DGKD: variants seen among roughly 807,000 people sequenced by gnomAD.
DGKD encodes diacylglycerol kinase delta.
DGKD carries 68 observed loss-of-function variants against 154.4 expected under a neutral mutation model. The observed-to-expected ratio is 0.44, with a 90% confidence interval of 0.36 to 0.54. DGKD has a LOEUF of 0.54. Ranked by LOEUF, DGKD falls within the 20% of genes least tolerant of loss-of-function variation. DGKD has a pLI of 0.00. For synonymous variants in DGKD, 693 were observed against 638.0 expected, an observed-to-expected ratio of 1.09 and a Z score of -1.30; for missense variants, 1,343 against 1,593.6, an observed-to-expected ratio of 0.84 and a Z score of 2.68.
At chr2:233,430,981 C>G (rs1575105735) in intron 3 of DGKD, among the ~76,000 whole-genome samples, 1 of 152,024 alleles carries the variant, frequency 6.6e-6, no homozygotes, top group African/African-American at 2.4e-5. Context: ...CTAGAGCAAT[C>G]AAACAACAAC....
chr2:233,415,197 C>G (rs1051325305), intron 3 of DGKD, among the ~76,000 whole-genome samples: 1 of 152,218 alleles, frequency 6.6e-6, no homozygotes, highest in Non-Finnish European at 1.5e-5. Flanking sequence ...TTTTCCCAGA[C>G]AGCTGAGCTT....
At chr2:233,454,712 T>A in intron 18 of DGKD, 51 bp from the exon 19 acceptor site, 1 of 1,148,650 alleles carries the variant, frequency 8.7e-7, no homozygotes, top group East Asian at 2.4e-5. Flanking sequence ...GAGTCTGAAA[T>A]AAGACTGCTC....
At chr2:233,462,304 T>C in intron 24 of DGKD, 44 bp from the exon 25 acceptor site, 1 of 1,513,410 alleles carries the variant, frequency 6.6e-7, no homozygotes, top group Non-Finnish European at 9.1e-7. Flanking sequence ...AAGGCTGCCC[T>C]TCCATTTGGC....
In DGKD at chr2:233,459,742, A is replaced by C. The variant is rs368557765; in HGVS notation, c.2695-15A>C. The C allele has an allele frequency of 6.2e-7, 1 of 1,612,436 alleles. No individual in the cohort carries two copies. The highest frequency in any genetic ancestry group is 1.7e-5 in the Admixed American group (1 of 59,806). On this transcript the variant is annotated splice_polypyrimidine_tract_variant and intron_variant, in intron 22 of 29. Transcript: ENST00000264057. The surrounding 1 kb of genome is among the most constrained non-coding windows in gnomAD (Gnocchi z 5.7). ...TTTTGGCTCAGCATGAGTAATGGCT[A>C]TGATGTCTGCTCAGTGTCGCACGGT... is the stretch of plus-strand genomic sequence containing the variant.
At chr2:233,389,641 G>A (rs549311709) in intron 2 of DGKD, among the ~76,000 whole-genome samples, 2 of 151,804 alleles carry the variant, frequency 1.3e-5, no homozygotes, top group African/African-American at 2.4e-5. Context: ...GAGGGGAAAG[G>A]TTACTTAAAA....
chr2:233,408,876 G>A (rs1018515185), intron 3 of DGKD: 2 of 152,306 alleles, frequency 1.3e-5, no homozygotes, highest in African/African-American at 4.8e-5. Flanking sequence ...CAGGCATTGA[G>A]TCAAATTGGT....
At chr2:233,443,024 C>T (rs764093169) in intron 10 of DGKD, among the ~76,000 whole-genome samples, 1 of 152,246 alleles carries the variant, frequency 6.6e-6, no homozygotes, top group African/African-American at 2.4e-5. Context: ...GGCCAGCTCA[C>T]CTCCATGTGT....
At chr2:233,442,325 C>T (rs2062925475) in intron 10 of DGKD, 1 of 448,020 alleles carries the variant, frequency 2.2e-6, no homozygotes, top group Non-Finnish European at 4.2e-6. Flanking sequence ...CTTGAGGCCT[C>T]TTGCTTGTGA....
Position 233,445,265 on chromosome 2 carries a change from C to T in DGKD, c.1195-358C>T, listed in dbSNP as rs901341078. On this transcript the variant is annotated intron_variant, in intron 10 of 29. Transcript: ENST00000264057. The surrounding 1 kb of genome is among the most constrained non-coding windows in gnomAD (Gnocchi z 5.5). Reference sequence around the variant, plus strand: ...GAGGCATCAGAGTGATTCCTTGGGGCTGTGGTCACGGTGGTGAAAATGGGA... The same window carrying T: ...GAGGCATCAGAGTGATTCCTTGGGGTTGTGGTCACGGTGGTGAAAATGGGA... 6.6e-6 allele frequency among the ~76,000 whole-genome samples: 1 copy of T among 151,716 alleles called. No homozygotes were observed. Among genetic ancestry groups the T allele is most frequent in the African/African-American group, 2.4e-5 (1 of 41,274 alleles).
intron 26 of DGKD, among the ~76,000 whole-genome samples, chr2:233,463,623 A>G (rs950220522): frequency 5.3e-5 from 7 of 132,968 alleles, no homozygotes; most frequent in African/African-American, 2.3e-4. Context: ...GCATCTCCTC[A>G]CTCCACGCAT....
At chr2:233,357,542 T>C (rs1243112864) in intron 1 of DGKD, among the ~76,000 whole-genome samples, 6 of 149,412 alleles carry the variant, frequency 4.0e-5, no homozygotes, top group African/African-American at 1.5e-4. Flanking sequence ...TCTTTCTTTT[T>C]TTTTTTTTTT....
intron 19 of DGKD, 49 bp from the exon 20 acceptor site, chr2:233,456,850 T>G: frequency 7.0e-7 from 1 of 1,428,814 alleles, no homozygotes; most frequent in African/African-American, 1.4e-5. Context: ...TCTGGTTAAC[T>G]ATACGAAGAA....
intron 19 of DGKD, among the ~76,000 whole-genome samples, chr2:233,455,722 C>T (rs1452916924): frequency 6.6e-6 from 1 of 152,254 alleles, no homozygotes; most frequent in Admixed American, 6.5e-5. Context: ...CCCCTGTGGC[C>T]TCGCCCTCCT....
At position 233,445,765 on chromosome 2, in the gene DGKD, G is replaced by C. The variant is rs1302440739; in HGVS notation, c.1334+3G>C. 6.2e-7 allele frequency: 1 copy of C among 1,609,044 alleles called. No homozygotes were observed. Among genetic ancestry groups the C allele is most frequent in the Non-Finnish European group, 8.5e-7 (1 of 1,177,496 alleles). On this transcript the variant is annotated splice_donor_region_variant and intron_variant, in intron 11 of 29. Transcript: ENST00000264057. This position sits in a 1 kb window ranked among gnomAD's most constrained non-coding sequence, Gnocchi z 5.5. ...GCCAGCACCAAGATGCTGGACAGGT[G>C]AGTGGGGATGTGCTCCGGTGCCGTA...
At chr2:233,405,379 G>A (rs946839935) in intron 3 of DGKD, among the ~76,000 whole-genome samples, 6 of 152,194 alleles carry the variant, frequency 3.9e-5, no homozygotes, top group Non-Finnish European at 8.8e-5. Context: ...TTAGCTGGGT[G>A]TGTTGGCACA....
Position 233,448,390 on chromosome 2 carries a change from C to G in DGKD, c.1614+15C>G, listed in dbSNP as rs1328009140. On this transcript the variant is annotated intron_variant, in intron 14 of 29. Coordinates refer to ENST00000264057, the MANE Select transcript of DGKD (RefSeq NM_152879.3). ...TGGCCAAGAAGGTCTGTTCCCGTGC[C>G]CTGGGTGGGAGGGGCATTGAGGCAG... is the stretch of plus-strand genomic sequence containing the variant. 9.3e-6 allele frequency: 15 copies of G among 1,610,600 alleles called. No homozygotes were observed. Among genetic ancestry groups the G allele is most frequent in the Non-Finnish European group, 1.3e-5 (15 of 1,177,600 alleles).
intron 3 of DGKD, among the ~76,000 whole-genome samples, chr2:233,405,516 C>CT (rs1419626701): frequency 2.1e-5 from 3 of 143,094 alleles, no homozygotes; most frequent in African/African-American, 7.8e-5. Context: ...GAAACTCTGT[C>CT]TAAAAAAAAA....
At chr2:233,382,946 T>C (rs1702975125) in intron 1 of DGKD, among the ~76,000 whole-genome samples, 1 of 152,194 alleles carries the variant, frequency 6.6e-6, no homozygotes, top group Admixed American at 6.5e-5. Flanking sequence ...TGACTTACTC[T>C]TCTGGTAAAT....
rs1407344820 is a variant in DGKD at position 233,440,623 on chromosome 2, A to G, written c.1086-1264A>G. ...TCTGGGCTGAGGGCACCGCTTGTGC[A>G]GAGGCGAGGCAAGAGGGAATGCAGT... On this transcript the variant is annotated intron_variant, in intron 9 of 29. Transcript: ENST00000264057. The surrounding 1 kb of genome is among the most constrained non-coding windows in gnomAD (Gnocchi z 4.9). Among the ~76,000 whole-genome samples the G allele has an allele frequency of 6.6e-6, 1 of 152,176 alleles. No individual in the cohort carries two copies. Among genetic ancestry groups the G allele is most frequent in the African/African-American group, 2.4e-5 (1 of 41,424 alleles).
Sources: allele counts gnomAD v4.1 joint callset (sites outside exome capture counted in the v4.1 genomes callset), GRCh38; gene constraint gnomAD v4.1.1; non-coding constraint Gnocchi (gnomAD v3.1); transcripts MANE v1.5; gene names NCBI Gene and HGNC (gene_info 2026-07-23, HGNC 2026-07-21).